Variants in WDFY2 observed in about 807,000 individuals in gnomAD.
WDFY2 encodes the protein WD repeat and FYVE domain-containing protein 2.
Under a neutral mutation model 56.4 loss-of-function variants are expected in WDFY2, and 36 were observed. The observed-to-expected ratio is 0.64, with a 90% CI of 0.49 to 0.84. WDFY2 has a LOEUF of 0.84. WDFY2 is among the 40% of genes least tolerant of loss of function. The pLI is 0.00. For synonymous variants in WDFY2, 176 were observed against 183.7 expected (o/e 0.96, Z 0.34); for missense variants, 444 against 512.2 (o/e 0.87, Z 1.29).
intron 1 of WDFY2, among the ~76,000 whole-genome samples, chr13:51,634,465 G>GCTTTT (rs1955009058): frequency 1.3e-5 from 2 of 152,154 alleles, no homozygotes; most frequent in African/African-American, 4.8e-5. Context: ...CATGAATCCA[G>GCTTTT]GTAAGAGTCA....
rs116028587 is a variant in WDFY2, at chr13:51,619,601, A to G, written c.137+34777A>G. Among the ~76,000 whole-genome samples, 849 of 152,324 alleles carry G rather than the reference A, an allele frequency of 5.6e-3. 6 individuals are homozygous for G. Among genetic ancestry groups the G allele is most frequent in the African/African-American group, 0.019 (795 of 41,566 alleles). On this transcript the variant is annotated intron_variant, in intron 1 of 11. Coordinates refer to ENST00000298125, the MANE Select transcript of WDFY2 (RefSeq NM_052950.4). ...ATTAAAATAAGGGTCAGAACAAACA[A>G]TGGTTATTTATGGAGCATGCAGGCA... is the stretch of plus-strand genomic sequence containing the variant.
chr13:51,721,532 T>A (rs887587081), intron 5 of WDFY2, among the ~76,000 whole-genome samples: 1 of 152,128 alleles, frequency 6.6e-6, no homozygotes, highest in African/African-American at 2.4e-5. Flanking sequence ...CCAGGAGTCA[T>A]CCTCATTTTG....
intron 3 of WDFY2, among the ~76,000 whole-genome samples, chr13:51,685,582 A>G (rs1956047852): frequency 6.6e-6 from 1 of 152,178 alleles, no homozygotes; most frequent in South Asian, 2.1e-4. Flanking sequence ...AAGGAAAAGT[A>G]TGTTTTCATT....
chr13:51,753,798 T>C (rs1386254687), intron 8 of WDFY2, among the ~76,000 whole-genome samples: 1 of 151,968 alleles, frequency 6.6e-6, no homozygotes, highest in Non-Finnish European at 1.5e-5. Flanking sequence ...AAAGTTTACA[T>C]AACTCAGCCG....
intron 1 of WDFY2, among the ~76,000 whole-genome samples, chr13:51,640,205 A>T (rs1955129296): frequency 6.6e-6 from 1 of 152,188 alleles, no homozygotes; most frequent in South Asian, 2.1e-4. Context: ...AATAATCACT[A>T]CTGTTTTTCT....
chr13:51,664,634 C>G (rs897317958), intron 2 of WDFY2, among the ~76,000 whole-genome samples: 1 of 152,182 alleles, frequency 6.6e-6, no homozygotes, highest in African/African-American at 2.4e-5. Flanking sequence ...ATTGGATATG[C>G]CCATTTGTGC....
At chr13:51,632,961 A>C (rs1353827240) in intron 1 of WDFY2, among the ~76,000 whole-genome samples, 1 of 152,220 alleles carries the variant, frequency 6.6e-6, no homozygotes, top group East Asian at 1.9e-4. Flanking sequence ...AATAGGGAAA[A>C]ACGTTAGATT....
At chr13:51,717,605 T>A (rs1952386336) in intron 4 of WDFY2, among the ~76,000 whole-genome samples, 1 of 151,978 alleles carries the variant, frequency 6.6e-6, no homozygotes, top group Non-Finnish European at 1.5e-5. Flanking sequence ...GAAATCGACT[T>A]GAGTATACTT....
rs1442652626 is a variant in WDFY2 at position 51,767,674 on chromosome 13, T to C, written c.*7905T>C. 6.5e-6 allele frequency: 1 copy of C among 153,924 alleles called. No homozygotes were observed. Among genetic ancestry groups the C allele is most frequent in the Non-Finnish European group, 1.4e-5 (1 of 69,522 alleles). The allele number at this position is 153,924 out of a possible 1,614,324, so 9.5% of individuals were successfully genotyped here. The stretch of plus-strand genomic sequence containing the variant: ...AGCCACTCCTAATCTTAAGCAAATG[T>C]AAACTAGGCCTCATTAAATTGTTTG... On this transcript the variant is annotated 3_prime_UTR_variant, in exon 12 of 12. Coordinates refer to ENST00000298125, the MANE Select transcript of WDFY2 (RefSeq NM_052950.4).
chr13:51,593,113 C>A (rs1014388189), intron 1 of WDFY2, among the ~76,000 whole-genome samples: 1 of 152,220 alleles, frequency 6.6e-6, no homozygotes, highest in African/African-American at 2.4e-5. Flanking sequence ...CTTTTATGTT[C>A]TTGCCCTCAC....
intron 1 of WDFY2, among the ~76,000 whole-genome samples, chr13:51,614,568 G>A (rs1954573267): frequency 6.6e-6 from 1 of 152,166 alleles, no homozygotes; most frequent in African/African-American, 2.4e-5. Flanking sequence ...CTGCTCTCCA[G>A]TCAGCATTGC....
intron 4 of WDFY2, among the ~76,000 whole-genome samples, chr13:51,707,048 G>A (rs1952097663): frequency 1.3e-5 from 2 of 152,278 alleles, no homozygotes; most frequent in African/African-American, 4.8e-5. Flanking sequence ...CTTTTAGATA[G>A]GAAAATATAG....
intron 4 of WDFY2, among the ~76,000 whole-genome samples, chr13:51,709,829 G>A (rs1005315149): frequency 5.9e-5 from 9 of 152,182 alleles, no homozygotes; most frequent in African/African-American, 2.2e-4. Flanking sequence ...GGACCAGACG[G>A]ATTCACAGCC....
In WDFY2 at chr13:51,759,968, T is replaced by C. The variant is rs756440183; in HGVS notation, c.*199T>C. 1.5e-5 allele frequency: 8 copies of C among 534,230 alleles called. No homozygotes were observed. Among genetic ancestry groups the C allele is most frequent in the Non-Finnish European group, 2.0e-5 (6 of 295,246 alleles). The allele number at this position is 534,230 out of a possible 1,614,324, so 33.1% of individuals were successfully genotyped here. On this transcript the variant is annotated 3_prime_UTR_variant, in exon 12 of 12. Coordinates refer to ENST00000298125, the MANE Select transcript of WDFY2 (RefSeq NM_052950.4). ...CAAGGGGACTCTTCCAACTTGTTCA[T>C]ACAATATAAAAGAAGCTATTTTTTT...
chr13:51,675,129 C>A, intron 2 of WDFY2, 41 bp from the exon 3 acceptor site: 1 of 1,590,946 alleles, frequency 6.3e-7, no homozygotes. Flanking sequence ...CGATGAGAAT[C>A]ATGGTTTTGT....
At chr13:51,618,259 G>A (rs7983294) in intron 1 of WDFY2, among the ~76,000 whole-genome samples, 151,258 of 152,360 alleles carry the variant, frequency 0.99, 75,090 homozygotes, top group East Asian at 1. Context: ...TGCCAGTGCC[G>A]TGTTATGACA....
chr13:51,604,030 G>C (rs9535714), intron 1 of WDFY2, among the ~76,000 whole-genome samples: 20,732 of 152,158 alleles, frequency 0.14, 1,767 homozygotes, highest in South Asian at 0.23. Flanking sequence ...CGGACCCAGT[G>C]TCTCCAGATC....
chr13:51,586,141 A>T lies in WDFY2; in HGVS notation c.137+1317A>T, dbSNP rs890336521. On this transcript the variant is annotated intron_variant, in intron 1 of 11. Transcript: ENST00000298125. ...AGGACCCTTTTGAAATTCACAGAGA[A>T]GCCTTATGAGAAAGTTTGATTTTTT... 3.3e-5 allele frequency: 13 copies of T among 398,334 alleles called. No individual in the cohort carries two copies. In the Admixed American group the frequency reaches 4.0e-4, roughly 12 times the overall value. The allele number at this position is 398,334 out of a possible 1,614,324, so 24.7% of individuals were successfully genotyped here. A position where few individuals can be genotyped will look rare whatever the true frequency, so the allele number is the denominator to read the frequency against.
At chr13:51,751,255 C>G in intron 7 of WDFY2, 55 bp from the exon 8 acceptor site, 1 of 1,565,018 alleles carries the variant, frequency 6.4e-7, no homozygotes, top group South Asian at 1.2e-5. Context: ...GTTTCTGCTG[C>G]GAGGCCTTGC....
Sources: gnomAD v4.1 joint callset for allele counts (sites outside exome capture counted in the v4.1 genomes callset) on GRCh38, gnomAD v4.1.1 for gene constraint, MANE v1.5 for transcripts, NCBI Gene and HGNC (gene_info 2026-07-23, HGNC 2026-07-21) for gene names.